FAM83B: variants seen among roughly 807,000 people sequenced by gnomAD.
FAM83B encodes the protein scaffolding CK1 anchoring protein B, also known as protein FAM83B.
A neutral mutation model predicts 38.8 loss-of-function variants in FAM83B; 26 were observed. The observed-to-expected ratio is 0.67, with a 90% CI of 0.49 to 0.93. The LOEUF (loss-of-function observed/expected upper bound fraction) is 0.93, where lower values mean the gene tolerates loss of function less well. Ranked by LOEUF, FAM83B falls within the 40% of genes least tolerant of loss-of-function variation. FAM83B has a pLI of 0.00. For synonymous variants in FAM83B, 419 were observed against 423.1 expected, an observed-to-expected ratio of 0.99 and a Z score of 0.12; for missense variants, 1,237 against 1,197.3, an observed-to-expected ratio of 1.03 and a Z score of -0.49.
intron 2 of FAM83B, among the ~76,000 whole-genome samples, chr6:54,902,010 T>C (rs1394658245): frequency 6.6e-6 from 1 of 152,172 alleles, no homozygotes; most frequent in Non-Finnish European, 1.5e-5. Context: ...CCTGAAACAC[T>C]TTCAACACAG....
intron 4 of FAM83B, among the ~76,000 whole-genome samples, chr6:54,932,321 A>G (rs1402341888): frequency 1.3e-5 from 2 of 152,084 alleles, no homozygotes; most frequent in African/African-American, 4.8e-5. Context: ...CTTACATAAA[A>G]CATTTTAAAG....
At chr6:54,869,553 A>C (rs1298177277) in intron 1 of FAM83B, among the ~76,000 whole-genome samples, 1 of 151,532 alleles carries the variant, frequency 6.6e-6, no homozygotes, top group South Asian at 2.1e-4. Flanking sequence ...GATTTTGCTC[A>C]TGTTTTTATC....
chr6:54,853,937 C>T (rs897158251), intron 1 of FAM83B, among the ~76,000 whole-genome samples: 30 of 152,128 alleles, frequency 2.0e-4, no homozygotes, highest in Non-Finnish European at 3.8e-4. Flanking sequence ...CCATGGGAGG[C>T]GGTCAAAATA....
intron 1 of FAM83B, among the ~76,000 whole-genome samples, chr6:54,857,686 C>T (rs547527879): frequency 8.5e-5 from 13 of 152,238 alleles, no homozygotes; most frequent in African/African-American, 3.1e-4. Context: ...AATATACAGA[C>T]TCAGTGGCCT....
chr6:54,872,986 C>T (rs1012513255), intron 2 of FAM83B, among the ~76,000 whole-genome samples: 6 of 93,738 alleles, frequency 6.4e-5, no homozygotes, highest in African/African-American at 2.1e-4. Flanking sequence ...CGATTTGGTG[C>T]ACATGGTTTT....
intron 4 of FAM83B, among the ~76,000 whole-genome samples, chr6:54,933,941 C>T (rs183400536): frequency 1.3e-5 from 2 of 152,252 alleles, no homozygotes; most frequent in Admixed American, 6.5e-5. Flanking sequence ...CTGTTTGTTT[C>T]ATGCTGTACC....
At chr6:54,919,234 C>T (rs1773116708) in intron 2 of FAM83B, among the ~76,000 whole-genome samples, 2 of 152,004 alleles carry the variant, frequency 1.3e-5, no homozygotes, top group South Asian at 4.1e-4. Context: ...GCAAAAGTTC[C>T]TTTAAAAATC....
At chr6:54,919,967 C>G (rs1773133818) in intron 2 of FAM83B, among the ~76,000 whole-genome samples, 1 of 151,770 alleles carries the variant, frequency 6.6e-6, no homozygotes, top group South Asian at 2.1e-4. Context: ...GCAGACCAAA[C>G]CAGTAGATAT....
chr6:54,893,037 A>C (rs2127580704), intron 2 of FAM83B, among the ~76,000 whole-genome samples: 1 of 152,168 alleles, frequency 6.6e-6, no homozygotes, highest in African/African-American at 2.4e-5. Flanking sequence ...CCTCCCACCA[A>C]CAACTGTGTG....
intron 2 of FAM83B, among the ~76,000 whole-genome samples, chr6:54,896,280 A>G (rs966830966): frequency 6.6e-6 from 1 of 152,230 alleles, no homozygotes; most frequent in African/African-American, 2.4e-5. Flanking sequence ...CATAATCTTA[A>G]CATTCTACCT....
At chr6:54,920,090 A>G (rs1773137192) in intron 2 of FAM83B, among the ~76,000 whole-genome samples, 1 of 151,980 alleles carries the variant, frequency 6.6e-6, no homozygotes. Context: ...TATATTATAT[A>G]TAAATTTCAT....
intron 2 of FAM83B, among the ~76,000 whole-genome samples, chr6:54,897,008 T>A (rs554551918): frequency 6.6e-6 from 1 of 152,330 alleles, no homozygotes; most frequent in Non-Finnish European, 1.5e-5. Flanking sequence ...GAAAATACAT[T>A]TGACACCATC....
At chr6:54,848,106 G>C (rs115030888) in intron 1 of FAM83B, among the ~76,000 whole-genome samples, 19,717 of 148,382 alleles carry the variant, frequency 0.13, 1,452 homozygotes, top group African/African-American at 0.18. Context: ...TTATTGGAGT[G>C]GGGGTGGGGG....
At position 54,942,904 on chromosome 6, in the gene FAM83B, C is replaced by CT. The variant is rs552743958; in HGVS notation, c.*908dup. On this transcript the variant is annotated 3_prime_UTR_variant, in exon 5 of 5. Coordinates refer to ENST00000306858, the MANE Select transcript of FAM83B (RefSeq NM_001010872.3). ...GGTCTTGCTTGCGAAAATTCTTGCT[C>CT]TTTTTTTTTTTCTTTTGAGATGGAG... Among the ~76,000 whole-genome samples, 18,826 of 146,854 alleles carry CT rather than the reference C, an allele frequency of 0.13. 1,323 individuals carry two copies. Among genetic ancestry groups the CT allele is most frequent in the Middle Eastern group, 0.22 (62 of 282 alleles).
chr6:54,887,334 T>A (rs1191630130), intron 2 of FAM83B, among the ~76,000 whole-genome samples: 1 of 152,166 alleles, frequency 6.6e-6, no homozygotes, highest in Non-Finnish European at 1.5e-5. Flanking sequence ...TGACTTTTCC[T>A]AATGCTGTTT....
chr6:54,888,688 T>G (rs1772334190), intron 2 of FAM83B, among the ~76,000 whole-genome samples: 1 of 152,018 alleles, frequency 6.6e-6, no homozygotes, highest in African/African-American at 2.4e-5. Flanking sequence ...TTGTCATTCA[T>G]TTTTAATAGC....
At chr6:54,856,645 G>A (rs1771453205) in intron 1 of FAM83B, among the ~76,000 whole-genome samples, 1 of 152,028 alleles carries the variant, frequency 6.6e-6, no homozygotes, top group South Asian at 2.1e-4. Flanking sequence ...AAGTAAAGAA[G>A]CCAACAAAAA....
chr6:54,904,060 T>C (rs1175267814), intron 2 of FAM83B, among the ~76,000 whole-genome samples: 1 of 151,914 alleles, frequency 6.6e-6, no homozygotes, highest in Non-Finnish European at 1.5e-5. Flanking sequence ...CCAATATAAT[T>C]TACTGCTTAT....
intron 2 of FAM83B, among the ~76,000 whole-genome samples, chr6:54,904,198 T>C (rs1360782996): frequency 6.6e-6 from 1 of 152,208 alleles, no homozygotes; most frequent in African/African-American, 2.4e-5. Context: ...CTGAAATGCT[T>C]TACAAAGTAG....
Sources: allele counts gnomAD v4.1 joint callset (sites outside exome capture counted in the v4.1 genomes callset), GRCh38; gene constraint gnomAD v4.1.1; transcripts MANE v1.5; gene names NCBI Gene and HGNC (gene_info 2026-07-23, HGNC 2026-07-21).